The following MTMR14 variants were observed in gnomAD, a reference collection of about 807,000 sequenced individuals.
MTMR14 encodes the protein phosphatidylinositol-3,5-bisphosphate 3-phosphatase MTMR14.
In MTMR14, 48 loss-of-function variants were observed where a neutral mutation model predicts 86.3. That is an observed-to-expected ratio of 0.56 (90% CI 0.44 to 0.71). The LOEUF (loss-of-function observed/expected upper bound fraction) is 0.71, where lower values mean the gene tolerates loss of function less well. MTMR14 is among the 30% of genes least tolerant of loss of function. MTMR14 has a pLI of 0.00. For synonymous variants in MTMR14, 366 were observed against 326.1 expected, an observed-to-expected ratio of 1.12 and a Z score of -1.32; for missense variants, 780 against 834.6, an observed-to-expected ratio of 0.93 and a Z score of 0.81.
intron 17 of MTMR14, among the ~76,000 whole-genome samples, chr3:9,692,160 A>G (rs554655590): frequency 1.8e-4 from 28 of 152,326 alleles, no homozygotes; most frequent in Non-Finnish European, 3.4e-4. Context: ...AGCTGTTTGG[A>G]AAGAAACCTT....
chr3:9,664,080 C>T (rs765667521), intron 3 of MTMR14, among the ~76,000 whole-genome samples: 4 of 152,000 alleles, frequency 2.6e-5, no homozygotes, highest in Non-Finnish European at 4.4e-5. Flanking sequence ...TGAGCCACCA[C>T]GCCTGGCCTG....
chr3:9,688,836 A>C, intron 15 of MTMR14, 82 bp downstream of exon 15: 1 of 1,597,574 alleles, frequency 6.3e-7, no homozygotes, highest in Non-Finnish European at 8.6e-7. Flanking sequence ...TTGTGCTAAG[A>C]GGTTTTTTGT....
At position 9,665,605 on chromosome 3, in the gene MTMR14, C is replaced by T. The variant is rs2048204622; in HGVS notation, c.418-3114C>T. On this transcript the variant is annotated intron_variant, in intron 3 of 18. Transcript: ENST00000296003. ...AATATATCCATGTAACAAACTTGCACAGGTACCCCTGAATCTAATGTTTAA... is the reference window on the plus strand; with the variant it reads ...AATATATCCATGTAACAAACTTGCATAGGTACCCCTGAATCTAATGTTTAA... Among the ~76,000 whole-genome samples, 5 of 152,296 alleles carry T rather than the reference C, an allele frequency of 3.3e-5. No individual in the cohort carries two copies. The South Asian group carries it at 1.0e-3, about 32-fold the overall frequency.
chr3:9,658,801 A>G (rs2047757216), intron 2 of MTMR14, among the ~76,000 whole-genome samples: 1 of 152,236 alleles, frequency 6.6e-6, no homozygotes, highest in Admixed American at 6.5e-5. Flanking sequence ...TGTGGGGTAC[A>G]TTATAGGAAC....
At chr3:9,697,639 A>T in intron 17 of MTMR14, 72 bp from the exon 18 acceptor site, 1 of 1,559,688 alleles carries the variant, frequency 6.4e-7, no homozygotes, top group Non-Finnish European at 8.7e-7. Flanking sequence ...CTAGTCCCCT[A>T]GCCCCCTCCA....
chr3:9,688,022 C>A, intron 14 of MTMR14, 131 bp downstream of exon 14: 1 of 811,488 alleles, frequency 1.2e-6, no homozygotes, highest in Non-Finnish European at 2.0e-6. Flanking sequence ...TCCCTCCTGC[C>A]TTCGCTCTGA....
intron 6 of MTMR14, among the ~76,000 whole-genome samples, chr3:9,671,543 CAG>C (rs962749566): frequency 1.1e-4 from 16 of 151,920 alleles, no homozygotes; most frequent in Non-Finnish European, 2.4e-4. Context: ...TTCATAGTGA[CAG>C]AGTCTTTGTT....
chr3:9,675,488 C>A, intron 7 of MTMR14: 1 of 440,924 alleles, frequency 2.3e-6, no homozygotes, highest in South Asian at 1.6e-5. Context: ...CTAGATGTGT[C>A]ACACTATCTT....
chr3:9,684,502 C>T, intron 10 of MTMR14, 83 bp from the exon 11 acceptor site: 3 of 1,394,478 alleles, frequency 2.2e-6, no homozygotes, highest in East Asian at 2.3e-5. Flanking sequence ...GCTCCCTCCA[C>T]CAGGCCAAGC....
At position 9,684,267 on chromosome 3, in the gene MTMR14, C is replaced by T. The variant is rs1300786056; in HGVS notation, c.965-318C>T. ...CGCTACCCCCCAAAAAAATACTTGTCGTGCCCTCTGAGAAACTGGGTAGGG... is the reference window on the plus strand; with the variant it reads ...CGCTACCCCCCAAAAAAATACTTGTTGTGCCCTCTGAGAAACTGGGTAGGG... On this transcript the variant is annotated intron_variant, in intron 10 of 18. Coordinates refer to ENST00000296003, the MANE Select transcript of MTMR14 (RefSeq NM_001077525.3). Among the ~76,000 whole-genome samples the T allele has an allele frequency of 4.6e-5, 7 of 152,164 alleles. No homozygotes were observed. In the East Asian group the frequency reaches 5.8e-4, roughly 13 times the overall value.
intron 2 of MTMR14, chr3:9,659,784 A>G (rs769048239): frequency 3.9e-5 from 18 of 456,708 alleles, no homozygotes; most frequent in Middle Eastern, 6.5e-4. Context: ...CGGTAAAGGA[A>G]CCACTGGCCG....
intron 4 of MTMR14, among the ~76,000 whole-genome samples, chr3:9,669,094 C>T (rs1241822386): frequency 2.7e-5 from 4 of 150,644 alleles, no homozygotes; most frequent in South Asian, 4.2e-4. Context: ...GAGCCGAGAT[C>T]ACGCCACTGC....
Position 9,649,521 on chromosome 3 carries a change from G to T in MTMR14, c.-63G>T. The T allele has an allele frequency of 6.7e-7, 1 of 1,492,140 alleles. No individual in the cohort carries two copies. Among genetic ancestry groups the T allele is most frequent in the South Asian group, 1.3e-5 (1 of 77,518 alleles). 92.4% of individuals were successfully genotyped at this position (1,492,140 alleles called of 1,614,324 possible). A position where few individuals can be genotyped will look rare whatever the true frequency, so the allele number is the denominator to read the frequency against. On this transcript the variant is annotated 5_prime_UTR_variant, in exon 1 of 19. Transcript: ENST00000296003. ...CGGTTCCGGAGGTTCTAGTGTCGGA[G>T]TTGGGTGCAGGCAGGTGCCATGGGC... is the stretch of plus-strand genomic sequence containing the variant.
chr3:9,653,551 A>G (rs982959759), intron 1 of MTMR14, 70 bp from the exon 2 acceptor site: 42 of 1,603,608 alleles, frequency 2.6e-5, no homozygotes, highest in Admixed American at 8.3e-5. Context: ...CTCTTAGGCC[A>G]TGGACCTCCT....
chr3:9,659,852 G>A (rs996247675), intron 2 of MTMR14: 1 of 456,728 alleles, frequency 2.2e-6, no homozygotes, highest in South Asian at 1.5e-5. Flanking sequence ...GGAAAATGCT[G>A]ATGTGTCCTC....
rs117935605 is a variant in MTMR14 at position 9,688,982 on chromosome 3, G to A, written c.1333G>A (p.Asp445Asn). The A allele has an allele frequency of 1.1e-4, 181 of 1,613,942 alleles. 2 individuals are homozygous for A. The East Asian group carries it at 3.5e-3, about 31-fold the overall frequency. Residue 445 changes from aspartate to asparagine, a missense_variant, in exon 16 of 19, where the codon GAC (aspartate) becomes AAC (asparagine). Transcript: ENST00000296003. ...DRGSTTSLGSDFSLVMESSPG... is the reference protein window; with the variant it reads ...DRGSTTSLGSNFSLVMESSPG... ...TGGCAGCACCACCAGCCTTGGCAGCGACTTCTCCCTGGTCATGGAGAGTTC... is the reference window on the plus strand; with the variant it reads ...TGGCAGCACCACCAGCCTTGGCAGCAACTTCTCCCTGGTCATGGAGAGTTC...
chr3:9,694,827 G>A (rs1441400317), intron 17 of MTMR14, among the ~76,000 whole-genome samples: 1 of 152,192 alleles, frequency 6.6e-6, no homozygotes, highest in Non-Finnish European at 1.5e-5. Context: ...GCAGGGCATC[G>A]GGGGAGTTGG....
chr3:9,672,463 C>T (rs1183386230), intron 6 of MTMR14, among the ~76,000 whole-genome samples: 3 of 152,098 alleles, frequency 2.0e-5, no homozygotes, highest in African/African-American at 7.2e-5. Flanking sequence ...CTGGTCTTGA[C>T]GGGGTTTCTC....
chr3:9,656,617 G>C (rs1298345329), intron 2 of MTMR14, among the ~76,000 whole-genome samples: 1 of 151,968 alleles, frequency 6.6e-6, no homozygotes, highest in East Asian at 1.9e-4. Context: ...GATGGGTTTT[G>C]CCATGATGGC....
Sources: allele counts gnomAD v4.1 joint callset (sites outside exome capture counted in the v4.1 genomes callset), GRCh38; gene constraint gnomAD v4.1.1; transcripts MANE v1.5; gene names NCBI Gene and HGNC (gene_info 2026-07-23, HGNC 2026-07-21).